The following DLG2 variants were observed in gnomAD, a reference collection of about 807,000 sequenced individuals.
DLG2 encodes the protein discs large MAGUK scaffold protein 2, also known as disks large homolog 2.
In DLG2, 45 loss-of-function variants were observed where a neutral mutation model predicts 132.5. The observed-to-expected ratio is 0.34, with a 90% CI of 0.27 to 0.44. The LOEUF (loss-of-function observed/expected upper bound fraction) is 0.44. Among genes scored for constraint, DLG2 ranks in the 20% least tolerant of loss-of-function variants. The probability of loss-of-function intolerance (pLI) is 1.00; values close to 1 mark genes in which losing one functional copy is unlikely to be tolerated. For missense variants in DLG2, 1,045 were observed against 1,196.9 expected (o/e 0.87, Z 1.87); for synonymous variants, 424 against 419.6 (o/e 1.01, Z -0.13).
At chr11:85,436,338 C>G (rs1465428865) in intron 3 of DLG2, among the ~76,000 whole-genome samples, 1 of 152,064 alleles carries the variant, frequency 6.6e-6, no homozygotes, top group Non-Finnish European at 1.5e-5. Context: ...AGAGCTTCTG[C>G]ACAGCAAAAG....
At chr11:83,723,294 C>T (rs57545594) in intron 18 of DLG2, among the ~76,000 whole-genome samples, 30,740 of 152,028 alleles carry the variant, frequency 0.2, 3,327 homozygotes, top group South Asian at 0.24. Flanking sequence ...GCAGAAGAAT[C>T]GCTTAAACCC....
intron 6 of DLG2, chr11:84,887,173 A>G (rs1300650041): frequency 6.6e-6 from 1 of 152,266 alleles, no homozygotes; most frequent in Admixed American, 6.5e-5. Context: ...GAAAAGCACC[A>G]TCTGTTCATG....
chr11:83,536,274 T>C (rs1426438639), intron 20 of DLG2, among the ~76,000 whole-genome samples: 1 of 152,192 alleles, frequency 6.6e-6, no homozygotes, highest in Non-Finnish European at 1.5e-5. Context: ...AAATTCAGAA[T>C]AAATTTACTT....
chr11:83,528,993 C>A (rs912199957), intron 21 of DLG2, among the ~76,000 whole-genome samples: 2 of 152,020 alleles, frequency 1.3e-5, no homozygotes, highest in Non-Finnish European at 2.9e-5. Flanking sequence ...TCTTATAGCT[C>A]GTGTACATAC....
chr11:85,421,009 T>C (rs1034895018), intron 3 of DLG2, among the ~76,000 whole-genome samples: 1 of 151,466 alleles, frequency 6.6e-6, no homozygotes, highest in Non-Finnish European at 1.5e-5. Context: ...AAAGATAAAA[T>C]AAAAATGAAA....
intron 3 of DLG2, among the ~76,000 whole-genome samples, chr11:85,437,378 T>C (rs765499079): frequency 1.3e-4 from 20 of 151,634 alleles, no homozygotes; most frequent in Non-Finnish European, 2.1e-4. Context: ...TAACATGGGA[T>C]GTTTCATACA....
At chr11:83,816,548 G>C (rs1296545135) in intron 17 of DLG2, among the ~76,000 whole-genome samples, 1 of 151,970 alleles carries the variant, frequency 6.6e-6, no homozygotes, top group East Asian at 1.9e-4. Context: ...GCTACAGGAG[G>C]TTCATATGAG....
At chr11:84,119,935 T>C (rs903081590) in intron 9 of DLG2, among the ~76,000 whole-genome samples, 3 of 152,192 alleles carry the variant, frequency 2.0e-5, no homozygotes, top group Non-Finnish European at 4.4e-5. Flanking sequence ...TACTGGAACA[T>C]TTATTTTCTT....
intron 7 of DLG2, among the ~76,000 whole-genome samples, chr11:84,492,007 T>A (rs1218797547): frequency 6.6e-6 from 1 of 152,140 alleles, no homozygotes; most frequent in East Asian, 1.9e-4. Context: ...ATTGTTACAT[T>A]CTAGAGGCTT....
intron 19 of DLG2, among the ~76,000 whole-genome samples, chr11:83,624,572 C>T (rs927952916): frequency 1.3e-5 from 2 of 152,170 alleles, no homozygotes; most frequent in Admixed American, 6.5e-5. Flanking sequence ...GTTTAGGAGG[C>T]AGGCTCTAAG....
chr11:83,643,833 T>A (rs2067305242), intron 18 of DLG2: 1 of 150,930 alleles, frequency 6.6e-6, no homozygotes, highest in Non-Finnish European at 1.5e-5. Flanking sequence ...CTAGTCCTAG[T>A]TTCATTCAGT....
chr11:85,352,053 T>C (rs1353424613), intron 3 of DLG2, among the ~76,000 whole-genome samples: 2 of 152,178 alleles, frequency 1.3e-5, no homozygotes, highest in Admixed American at 6.5e-5. Flanking sequence ...CTTTTTTTGG[T>C]TGGTAGGCTA....
At chr11:84,166,371 G>A (rs1018682273) in intron 8 of DLG2, among the ~76,000 whole-genome samples, 5 of 151,426 alleles carry the variant, frequency 3.3e-5, no homozygotes, top group African/African-American at 4.9e-5. Flanking sequence ...GCAGGGTGGC[G>A]TGCACCTGTA....
At chr11:83,984,188 TAGATGATAGATA>T (rs995049204) in intron 11 of DLG2, among the ~76,000 whole-genome samples, 12 of 118,474 alleles carry the variant, frequency 1.0e-4, no homozygotes, top group East Asian at 2.5e-4. Context: ...TGTAGATAGA[TAGATGATAGATA>T]GATAGATAGA....
intron 6 of DLG2, chr11:84,686,875 C>A (rs907704141): frequency 1.3e-5 from 2 of 152,006 alleles, no homozygotes; most frequent in Non-Finnish European, 2.9e-5. Flanking sequence ...AGCAGTGGCA[C>A]CTCCTCCTTG....
rs143328345 is a variant in DLG2 at position 85,172,884 on chromosome 11, C to T, written c.187-18233G>A. Among the ~76,000 whole-genome samples the T allele has an allele frequency of 3.4e-4, 51 of 152,110 alleles. No homozygotes were observed. The East Asian group carries it at 8.7e-3, about 26-fold the overall frequency. Reference sequence around the variant, plus strand: ...AGGAAAGAATCTCAGAGCTTGAAGACAATCTTTCTGAAATAAGACAGGCAA... The same window carrying T: ...AGGAAAGAATCTCAGAGCTTGAAGATAATCTTTCTGAAATAAGACAGGCAA... On this transcript the variant is annotated intron_variant, in intron 4 of 27. Transcript: ENST00000376104.
chr11:85,185,980 C>A (rs1327019826), intron 4 of DLG2, among the ~76,000 whole-genome samples: 1 of 151,880 alleles, frequency 6.6e-6, no homozygotes, highest in Non-Finnish European at 1.5e-5. Context: ...GATTTTAATC[C>A]ATGTCAACAA....
At chr11:85,085,989 T>C (rs2067875080) in intron 6 of DLG2, among the ~76,000 whole-genome samples, 1 of 152,210 alleles carries the variant, frequency 6.6e-6, no homozygotes, top group African/African-American at 2.4e-5. Flanking sequence ...AAATATATCA[T>C]GAGTATTCTC....
intron 18 of DLG2, among the ~76,000 whole-genome samples, chr11:83,757,358 A>G (rs1278032937): frequency 2.6e-5 from 4 of 152,142 alleles, no homozygotes; most frequent in African/African-American, 9.7e-5. Flanking sequence ...CTGAGTGGAG[A>G]CTGCATTGTT....
Sources: gnomAD v4.1 joint callset for allele counts (sites outside exome capture counted in the v4.1 genomes callset) on GRCh38, gnomAD v4.1.1 for gene constraint, MANE v1.5 for transcripts, NCBI Gene and HGNC (gene_info 2026-07-23, HGNC 2026-07-21) for gene names.